NEGR1: variants seen among roughly 807,000 people sequenced by gnomAD.
NEGR1 encodes neuronal growth regulator 1.
In NEGR1, 10 loss-of-function variants were observed where a neutral mutation model predicts 40.9. The observed-to-expected ratio is 0.24, with a 90% CI of 0.15 to 0.42. The LOEUF (loss-of-function observed/expected upper bound fraction) is 0.42, where lower values mean the gene tolerates loss of function less well. NEGR1 is among the 10% of genes least tolerant of loss of function. The pLI, the probability that NEGR1 is intolerant of heterozygous loss-of-function variation, is 1.00. For missense variants in NEGR1, 352 were observed against 438.9 expected (o/e 0.80, Z 1.77); for synonymous variants, 185 against 166.8 (o/e 1.11, Z -0.84).
intron 1 of NEGR1, among the ~76,000 whole-genome samples, chr1:72,030,474 G>A (rs1286409552): frequency 6.6e-6 from 1 of 151,826 alleles, no homozygotes; most frequent in Non-Finnish European, 1.5e-5. Flanking sequence ...ACCATACATG[G>A]GTACCTGGTA....
chr1:71,540,393 C>T (rs902173015), intron 6 of NEGR1, among the ~76,000 whole-genome samples: 1 of 151,726 alleles, frequency 6.6e-6, no homozygotes, highest in African/African-American at 2.4e-5. Context: ...AATTAAGAGT[C>T]GGACTGTTTA....
At chr1:72,185,307 T>C (rs1447039437) in intron 1 of NEGR1, among the ~76,000 whole-genome samples, 3 of 151,986 alleles carry the variant, frequency 2.0e-5, no homozygotes, top group Non-Finnish European at 4.4e-5. Flanking sequence ...CTGTTAGTTA[T>C]ATTTCCCTTT....
At chr1:71,864,613 G>A (rs891601562) in intron 2 of NEGR1, among the ~76,000 whole-genome samples, 4 of 152,116 alleles carry the variant, frequency 2.6e-5, no homozygotes, top group South Asian at 2.1e-4. Context: ...AGCCTTCAAA[G>A]CACCTTCATC....
At chr1:72,273,574 TC>T in intron 1 of NEGR1, among the ~76,000 whole-genome samples, 1 of 151,964 alleles carries the variant, frequency 6.6e-6, no homozygotes, top group Middle Eastern at 3.4e-3. Flanking sequence ...ACCCTTGAAA[TC>T]TTAACATAGC....
intron 2 of NEGR1, among the ~76,000 whole-genome samples, chr1:71,866,840 G>T (rs936866900): frequency 1.3e-5 from 2 of 152,166 alleles, no homozygotes; most frequent in African/African-American, 4.8e-5. Context: ...AGTGTCAGAA[G>T]ATAAGAAAGG....
chr1:71,853,346 G>A (rs984661411), intron 2 of NEGR1, among the ~76,000 whole-genome samples: 7 of 152,010 alleles, frequency 4.6e-5, no homozygotes, highest in Admixed American at 3.3e-4. Context: ...CTGTGTTCTT[G>A]TTATTCCACG....
intron 1 of NEGR1, among the ~76,000 whole-genome samples, chr1:72,205,756 CAAAAAAAA>C (rs35490878): frequency 6.5e-5 from 2 of 30,892 alleles, no homozygotes; most frequent in East Asian, 1.4e-3. Flanking sequence ...CCCATTTCTA[CAAAAAAAA>C]AAAAAAAAAA....
chr1:72,063,036 GA>G (rs1350703068), intron 1 of NEGR1, among the ~76,000 whole-genome samples: 1 of 151,860 alleles, frequency 6.6e-6, no homozygotes, highest in Admixed American at 6.6e-5. Flanking sequence ...CATTTTTAAA[GA>G]AGCGTTGATT....
At chr1:72,149,471 T>C (rs1015035165) in intron 1 of NEGR1, among the ~76,000 whole-genome samples, 3 of 152,226 alleles carry the variant, frequency 2.0e-5, no homozygotes, top group East Asian at 1.9e-4. Flanking sequence ...CTATGTCATA[T>C]GCTATTATAC....
intron 4 of NEGR1, among the ~76,000 whole-genome samples, chr1:71,643,409 A>C (rs1651421290): frequency 6.6e-6 from 1 of 151,950 alleles, no homozygotes; most frequent in Non-Finnish European, 1.5e-5. Context: ...ATCAGTAGTT[A>C]AATATGGGAA....
chr1:72,187,005 AATT>A (rs1230042904), intron 1 of NEGR1, among the ~76,000 whole-genome samples: 1 of 151,476 alleles, frequency 6.6e-6, no homozygotes, highest in Non-Finnish European at 1.5e-5. Context: ...CACCTTGGTC[AATT>A]TTCTTTTTTT....
chr1:71,782,454 T>G (rs1275602821), intron 2 of NEGR1, among the ~76,000 whole-genome samples: 1 of 152,178 alleles, frequency 6.6e-6, no homozygotes, highest in Non-Finnish European at 1.5e-5. Context: ...ACTCCTATAC[T>G]CATTTCTTGT....
Position 71,404,166 on chromosome 1 carries a change from T to A in NEGR1, c.*3280A>T, listed in dbSNP as rs950873. On this transcript the variant is annotated 3_prime_UTR_variant, in exon 7 of 7. Transcript: ENST00000357731. ...TAGGGGTATTTATATATATATATATTTTTTTTTTTCCCTGAATTACCTGGG... is the reference window on the plus strand; with the variant it reads ...TAGGGGTATTTATATATATATATATATTTTTTTTTCCCTGAATTACCTGGG... The A allele has an allele frequency of 0.039, 4,503 of 114,634 alleles. 84 individuals are homozygous for A. Among genetic ancestry groups the A allele is most frequent in the African/African-American group, 0.07 (1,302 of 18,508 alleles). The allele number at this position is 114,634 out of a possible 1,614,324, so 7.1% of individuals were successfully genotyped here.
At chr1:72,077,364 A>G (rs887543381) in intron 1 of NEGR1, among the ~76,000 whole-genome samples, 5 of 152,112 alleles carry the variant, frequency 3.3e-5, no homozygotes, top group Admixed American at 1.3e-4. Context: ...GCTAGACCCA[A>G]TGTTAACTGA....
At chr1:71,700,483 T>C (rs777298499) in intron 3 of NEGR1, among the ~76,000 whole-genome samples, 5 of 152,050 alleles carry the variant, frequency 3.3e-5, no homozygotes, top group Non-Finnish European at 7.4e-5. Context: ...ATCTGAAAGA[T>C]GCTATTTGTA....
At chr1:71,582,169 A>G (rs1649162428) in intron 6 of NEGR1, among the ~76,000 whole-genome samples, 1 of 152,126 alleles carries the variant, frequency 6.6e-6, no homozygotes, top group Admixed American at 6.5e-5. Context: ...ACACATGGAG[A>G]TGGTATGGTT....
At position 72,077,268 on chromosome 1, in the gene NEGR1, G is replaced by A. The variant is rs902947779; in HGVS notation, c.177-141957C>T. On this transcript the variant is annotated intron_variant, in intron 1 of 6. Transcript: ENST00000357731. ...CCGGAGCACTCATGTTGAACAATGG[G>A]ATGTCATCAATGTGTTGAAGATGGT... Among the ~76,000 whole-genome samples, 3 of 152,070 alleles carry A rather than the reference G, an allele frequency of 2.0e-5. 1 individual carries two copies. In the South Asian group the frequency reaches 6.2e-4, roughly 32 times the overall value.
chr1:71,797,886 T>C (rs1172064684), intron 2 of NEGR1, among the ~76,000 whole-genome samples: 4 of 151,988 alleles, frequency 2.6e-5, no homozygotes, highest in Non-Finnish European at 5.9e-5. Flanking sequence ...CGAATATCTT[T>C]AGAAAAAACA....
chr1:71,642,278 A>C (rs1052057617), intron 4 of NEGR1, among the ~76,000 whole-genome samples: 2 of 152,016 alleles, frequency 1.3e-5, no homozygotes, highest in African/African-American at 4.8e-5. Flanking sequence ...CCAATGTTAA[A>C]ATGTTTAAAC....
Sources: gnomAD v4.1 joint callset for allele counts (sites outside exome capture counted in the v4.1 genomes callset) on GRCh38, gnomAD v4.1.1 for gene constraint, MANE v1.5 for transcripts, NCBI Gene and HGNC (gene_info 2026-07-23, HGNC 2026-07-21) for gene names.